Variants in AHI1 observed in about 807,000 individuals in gnomAD.
AHI1 encodes the protein Abelson helper integration site 1, also known as jouberin.
Under a neutral mutation model 149.3 loss-of-function variants are expected in AHI1, and 123 were observed. That is an observed-to-expected ratio of 0.82 (90% CI 0.71 to 0.96). The LOEUF (loss-of-function observed/expected upper bound fraction) is 0.96. Among genes scored for constraint, AHI1 ranks in the 40% least tolerant of loss-of-function variants. The pLI, the probability that AHI1 is intolerant of heterozygous loss-of-function variation, is 0.00. For missense variants in AHI1, 1,439 were observed against 1,422.7 expected, an observed-to-expected ratio of 1.01 and a Z score of -0.18; for synonymous variants, 475 against 459.8, an observed-to-expected ratio of 1.03 and a Z score of -0.42.
rs68148024 is a variant in AHI1 at position 135,398,058 on chromosome 6, G to GTTT, written c.2989-3165_2989-3163dup. Among the ~76,000 whole-genome samples, 327 of 88,408 alleles carry GTTT rather than the reference G, an allele frequency of 3.7e-3. 12 individuals carry two copies. Among genetic ancestry groups the GTTT allele is most frequent in the African/African-American group, 0.012 (285 of 23,100 alleles). The allele number at this position is 88,408 out of a possible 152,430, so 58.0% of individuals were successfully genotyped here. ...AAAAGAAACCAATAATACCCAGGATGTTTTTTTTTTTTTTTTTTTTTTGCA... is the reference window on the plus strand; with the variant it reads ...AAAAGAAACCAATAATACCCAGGATGTTTTTTTTTTTTTTTTTTTTTTTTTGCA... On this transcript the variant is annotated intron_variant, in intron 22 of 28. Coordinates refer to ENST00000265602, the MANE Select transcript of AHI1 (RefSeq NM_001134831.2).
intron 23 of AHI1, among the ~76,000 whole-genome samples, chr6:135,372,280 TGAA>T (rs1222759973): frequency 2.0e-5 from 3 of 152,168 alleles, no homozygotes; most frequent in South Asian, 2.1e-4. Context: ...CTCAGTAGCC[TGAA>T]GAAGAAGAAA....
chr6:135,477,705 C>G (rs1407226159), intron 5 of AHI1, among the ~76,000 whole-genome samples: 1 of 152,148 alleles, frequency 6.6e-6, no homozygotes, highest in Admixed American at 6.5e-5. Context: ...GAAGTCCATG[C>G]CCGCTTCCCC....
At chr6:135,445,381 T>C (rs1787008263) in intron 13 of AHI1, among the ~76,000 whole-genome samples, 1 of 152,196 alleles carries the variant, frequency 6.6e-6, no homozygotes, top group African/African-American at 2.4e-5. Context: ...CTGCATAAAA[T>C]GCTAATCTAG....
chr6:135,302,716 T>C, intron 26 of AHI1: 1 of 1,263,824 alleles, frequency 7.9e-7, no homozygotes, highest in Non-Finnish European at 1.0e-6. Flanking sequence ...ACTCACTCAT[T>C]CCTTGGTCTC....
chr6:135,288,371 T>C (rs919264521), intron 28 of AHI1, among the ~76,000 whole-genome samples: 4 of 152,050 alleles, frequency 2.6e-5, no homozygotes, highest in African/African-American at 9.7e-5. Context: ...GCTGTAACTT[T>C]GAAACCTTGG....
At chr6:135,355,267 G>A (rs1488905976) in intron 24 of AHI1, among the ~76,000 whole-genome samples, 1 of 151,766 alleles carries the variant, frequency 6.6e-6, no homozygotes, top group Non-Finnish European at 1.5e-5. Context: ...TCTTTTTGAC[G>A]AAAGGGGTGT....
intron 20 of AHI1, among the ~76,000 whole-genome samples, chr6:135,418,274 T>C (rs552193438): frequency 2.6e-5 from 4 of 152,216 alleles, no homozygotes; most frequent in East Asian, 3.9e-4. Flanking sequence ...CTAAGTGGTA[T>C]AGCAGAGGAA....
rs1421244793 is a variant in AHI1 at position 135,364,381 on chromosome 6, G to A, written c.3110-6194C>T. ...TCACTTCCTAGATGGGATGGCAGCC[G>A]GGCAGAGACGCTCCTCACTTTCCAG... On this transcript the variant is annotated intron_variant, in intron 23 of 28. Coordinates refer to ENST00000265602, the MANE Select transcript of AHI1 (RefSeq NM_001134831.2). Among the ~76,000 whole-genome samples, 352 of 150,990 alleles carry A rather than the reference G, an allele frequency of 2.3e-3. 3 individuals carry two copies. Among genetic ancestry groups the A allele is most frequent in the African/African-American group, 8.0e-3 (328 of 40,908 alleles).
chr6:135,289,853 T>C (rs1233678247), intron 28 of AHI1, among the ~76,000 whole-genome samples: 1 of 152,084 alleles, frequency 6.6e-6, no homozygotes, highest in African/African-American at 2.4e-5. Context: ...GAACAGAAAC[T>C]TCACTTCTAC....
chr6:135,316,121 C>T (rs1785909630), intron 26 of AHI1, among the ~76,000 whole-genome samples: 2 of 152,208 alleles, frequency 1.3e-5, no homozygotes, highest in African/African-American at 4.8e-5. Context: ...CACTTGAGAA[C>T]CCTCTGCTTG....
At chr6:135,313,879 G>A (rs1194115503) in intron 26 of AHI1, among the ~76,000 whole-genome samples, 3 of 152,166 alleles carry the variant, frequency 2.0e-5, no homozygotes, top group Non-Finnish European at 4.4e-5. Flanking sequence ...TAAGGGAGGG[G>A]GGGTCAGGTC....
rs35584012 is a variant in AHI1, at chr6:135,300,816, C to CA, written c.3427-259dup. 87,354 of 928,838 alleles carry CA rather than the reference C, an allele frequency of 0.094. 6,853 individuals carry two copies. Among genetic ancestry groups the CA allele is most frequent in the African/African-American group, 0.56 (28,003 of 50,402 alleles). The allele number at this position is 928,838 out of a possible 1,614,324, so 57.5% of individuals were successfully genotyped here. The stretch of plus-strand genomic sequence containing the variant: ...TAAAGTCAGCTTTCAGGTATGTGAC[C>CA]AAAAAAAAAAAAAAAAAATCAGTTG... On this transcript the variant is annotated intron_variant, in intron 26 of 28. Transcript: ENST00000265602.
chr6:135,365,678 A>C (rs1436282594), intron 23 of AHI1, among the ~76,000 whole-genome samples: 1 of 152,148 alleles, frequency 6.6e-6, no homozygotes, highest in Non-Finnish European at 1.5e-5. Flanking sequence ...CAGAAACTCT[A>C]CTGAATTAAT....
intron 28 of AHI1, among the ~76,000 whole-genome samples, chr6:135,290,048 G>C (rs954678965): frequency 7.9e-5 from 12 of 152,026 alleles, no homozygotes; most frequent in Non-Finnish European, 8.8e-5. Flanking sequence ...TCCTTCTCAA[G>C]TGGCTCTTTC....
At chr6:135,320,189 G>C (rs185691792) in intron 25 of AHI1, among the ~76,000 whole-genome samples, 38 of 152,200 alleles carry the variant, frequency 2.5e-4, no homozygotes, top group South Asian at 4.1e-4. Flanking sequence ...TGAAGTGTGA[G>C]AGTTCAATCA....
At chr6:135,477,828 C>A (rs529043924) in intron 5 of AHI1, among the ~76,000 whole-genome samples, 1 of 152,228 alleles carries the variant, frequency 6.6e-6, no homozygotes, top group African/African-American at 2.4e-5. Flanking sequence ...ACCCAGTCTC[C>A]GCTCTGTTGC....
chr6:135,421,923 T>C (rs985872863), intron 20 of AHI1, among the ~76,000 whole-genome samples: 9 of 152,164 alleles, frequency 5.9e-5, no homozygotes, highest in African/African-American at 1.7e-4. Context: ...TGCCCTACTA[T>C]TAGGTATATT....
intron 24 of AHI1, among the ~76,000 whole-genome samples, chr6:135,323,982 T>G (rs1787264709): frequency 6.6e-6 from 1 of 152,180 alleles, no homozygotes; most frequent in Non-Finnish European, 1.5e-5. Context: ...CCTTTTCTTT[T>G]GAAAACCCAA....
intron 20 of AHI1, among the ~76,000 whole-genome samples, chr6:135,417,106 T>C (rs983943696): frequency 1.3e-5 from 2 of 152,106 alleles, no homozygotes; most frequent in African/African-American, 2.4e-5. Context: ...ATGTTTAACA[T>C]TAGTAGGTGG....
Sources: allele counts gnomAD v4.1 joint callset (sites outside exome capture counted in the v4.1 genomes callset), GRCh38; gene constraint gnomAD v4.1.1; transcripts MANE v1.5; gene names NCBI Gene and HGNC (gene_info 2026-07-23, HGNC 2026-07-21).